The following TM6SF2 variants were observed in gnomAD, a reference collection of about 807,000 sequenced individuals.
The protein encoded by TM6SF2 is transmembrane 6 superfamily member 2.
TM6SF2 carries 29 observed loss-of-function variants against 41.0 expected under a neutral mutation model. The observed-to-expected ratio is 0.71, with a 90% CI of 0.53 to 0.96. The LOEUF (loss-of-function observed/expected upper bound fraction) is 0.96, where lower values mean the gene tolerates loss of function less well. TM6SF2 is among the 50% of genes least tolerant of loss of function. The pLI, the probability that TM6SF2 is intolerant of heterozygous loss-of-function variation, is 0.00. For missense variants in TM6SF2, 475 were observed against 499.0 expected, an observed-to-expected ratio of 0.95 and a Z score of 0.46; for synonymous variants, 200 against 209.1, an observed-to-expected ratio of 0.96 and a Z score of 0.37.
At chr19:19,268,575 C>T in intron 6 of TM6SF2, 55 bp downstream of exon 6, 3 of 1,512,960 alleles carry the variant, frequency 2.0e-6, no homozygotes, top group South Asian at 1.3e-5. Context: ...AAGCAACTGA[C>T]ACGGGGAAAG....
At chr19:19,265,360 TTCTA>T (rs548804768) in intron 9 of TM6SF2, among the ~76,000 whole-genome samples, 8,264 of 140,400 alleles carry the variant, frequency 0.059, 265 homozygotes, top group Non-Finnish European at 0.067. Context: ...TTTTTAAAAT[TTCTA>T]TCTATCTATC....
At chr19:19,265,271 C>T (rs1011602870) in intron 9 of TM6SF2, among the ~76,000 whole-genome samples, 2 of 152,032 alleles carry the variant, frequency 1.3e-5, no homozygotes, top group African/African-American at 4.8e-5. Context: ...TGGTCTCGAA[C>T]TCCTGAGGTC....
chr19:19,269,982 G>A (rs1424643590), intron 4 of TM6SF2, 191 bp downstream of exon 4: 1 of 1,482,242 alleles, frequency 6.7e-7, no homozygotes, highest in Non-Finnish European at 9.0e-7. Flanking sequence ...GTGGATGTAA[G>A]CAATGCTAGG....
Position 19,264,845 on chromosome 19 carries a change from A to G in TM6SF2, c.953T>C (p.Met318Thr), listed in dbSNP as rs748280759. Residue 318 changes from methionine (M) to threonine (T), a missense_variant, in exon 10 of 10, where the codon ATG becomes ACG. Met to Thr is a moderately conservative substitution (Grantham distance 81). Around this residue, in one of 3 missense-constraint regions of TM6SF2, gnomAD observed 190 missense variants for 190.2 expected, o/e 1.00. Coordinates refer to ENST00000389363, the MANE Select transcript of TM6SF2 (RefSeq NM_001001524.3). ...GTAGGTGAAGGGTGTGCGCAGGTGCATGGAAGCCCCCATGTGCGAGAACTG... is the reference window on the plus strand; with the variant it reads ...GTAGGTGAAGGGTGTGCGCAGGTGCGTGGAAGCCCCCATGTGCGAGAACTG... ...QAQFSHMGAS[M>T]HLRTPFTYRV... is the part of the protein sequence containing the mutation. 1.6e-5 allele frequency: 26 copies of G among 1,586,594 alleles called. No individual in the cohort carries two copies. Among genetic ancestry groups the G allele is most frequent in the East Asian group, 9.5e-5 (4 of 42,168 alleles).
At chr19:19,270,576 C>T in intron 2 of TM6SF2, 134 bp from the exon 3 acceptor site, 1 of 1,076,708 alleles carries the variant, frequency 9.3e-7, no homozygotes, top group Non-Finnish European at 1.3e-6. Flanking sequence ...GGCCCAGTCC[C>T]TGCCCCAACC....
At position 19,266,479 on chromosome 19, in the gene TM6SF2, C is replaced by G; in HGVS notation, c.924+11G>C. ...CCACATGCCTGCTCACCCACCCATCCGCCACCTCACCTGGCCGATGCCTCC... is the reference window on the plus strand; with the variant it reads ...CCACATGCCTGCTCACCCACCCATCGGCCACCTCACCTGGCCGATGCCTCC... On this transcript the variant is annotated intron_variant, in intron 9 of 9. Coordinates refer to ENST00000389363, the MANE Select transcript of TM6SF2 (RefSeq NM_001001524.3). 6.2e-7 allele frequency: 1 copy of G among 1,613,198 alleles called. No individual in the cohort carries two copies. Among genetic ancestry groups the G allele is most frequent in the Non-Finnish European group, 8.5e-7 (1 of 1,179,504 alleles).
In TM6SF2 at chr19:19,267,728, CA is replaced by C. The variant is rs754540761; in HGVS notation, c.712-16del. 1.2e-5 allele frequency: 20 copies of C among 1,611,608 alleles called. No individual in the cohort carries two copies. Among genetic ancestry groups the C allele is most frequent in the Admixed American group, 1.7e-5 (1 of 59,816 alleles). On this transcript the variant is annotated splice_polypyrimidine_tract_variant and intron_variant, in intron 7 of 9. Transcript: ENST00000389363. ...TCAAGCACCACCTGGAGCAGACAGA[CA>C]TACCAAGAACCCTCAGACATACCTC...
intron 1 of TM6SF2, 63 bp downstream of exon 1, chr19:19,273,058 T>TCCAAGCCCCCCCCCCCCCC: frequency 2.1e-6 from 1 of 470,242 alleles, no homozygotes; most frequent in Non-Finnish European, 3.8e-6. Context: ...CCACCTCCAG[T>TCCAAGCCCCCCCCCCCCCC]CCTCCCCGCC....
Position 19,269,787 on chromosome 19 carries a change from G to T in TM6SF2, c.402-18C>A, listed in dbSNP as rs72999063. On this transcript the variant is annotated intron_variant, in intron 4 of 9. Transcript: ENST00000389363. The stretch of plus-strand genomic sequence containing the variant: ...ATCTCTTCCTGAGCAGGGGATGGAG[G>T]GGTGACCAGCAGGTAGTCACTCCGT... The T allele has an allele frequency of 0.16, 258,575 of 1,613,634 alleles. 22,255 individuals are homozygous for T. The highest frequency in any genetic ancestry group is 0.29 in the African/African-American group (21,359 of 74,940).
At chr19:19,267,232 G>C (rs1038942252) in intron 8 of TM6SF2, among the ~76,000 whole-genome samples, 2 of 152,008 alleles carry the variant, frequency 1.3e-5, no homozygotes, top group African/African-American at 4.8e-5. Context: ...GCTGAGTATG[G>C]TGGCTCACGC....
At chr19:19,266,332 T>C (rs1197867913) in intron 9 of TM6SF2, among the ~76,000 whole-genome samples, 158 bp downstream of exon 9, 1 of 152,108 alleles carries the variant, frequency 6.6e-6, no homozygotes, top group African/African-American at 2.4e-5. Context: ...TATCTGGCTT[T>C]GTCTCCCCTA....
chr19:19,271,052 C>T lies in TM6SF2; in HGVS notation c.169G>A (p.Gly57Ser). Residue 57 changes from glycine (G) to serine (S), a missense_variant, in exon 2 of 10, where the codon GGC becomes AGC. Physicochemically the swap from Gly to Ser is moderately conservative, Grantham distance 56. Transcript: ENST00000389363. ...LFVAVYSLSH[G>S]EVSYDPLYAV... Reference sequence around the variant, plus strand: ...TAGAGTGGGTCATAGGAGACCTCGCCATGGGACAAGCTGTAGACCGCCACG... The same window carrying T: ...TAGAGTGGGTCATAGGAGACCTCGCTATGGGACAAGCTGTAGACCGCCACG... 6.2e-7 allele frequency: 1 copy of T among 1,614,178 alleles called. No homozygotes were observed. The highest frequency in any genetic ancestry group is 8.5e-7 in the Non-Finnish European group (1 of 1,180,016).
At position 19,268,655 on chromosome 19, in the gene TM6SF2, G is replaced by A. The variant is rs370811816; in HGVS notation, c.584C>T (p.Ala195Val). 25 of 1,589,302 alleles carry A rather than the reference G, an allele frequency of 1.6e-5. No individual in the cohort carries two copies. Among genetic ancestry groups the A allele is most frequent in the Admixed American group, 1.1e-4 (6 of 52,586 alleles). Reference protein sequence around the residue: ...AGMKVFSQPRALTRCTANMVQ... With the variant: ...AGMKVFSQPRVLTRCTANMVQ... ...CATGTTGGCGGTGCAGCGGGTTAGC[G>A]CCCGGGGCTGGCTGAAGACCTTCAT... is the stretch of plus-strand genomic sequence containing the variant. The change falls in exon 6 of 10, where the codon GCG becomes GTG. Residue 195 changes from alanine to valine, a missense_variant. Transcript: ENST00000389363.
Position 19,264,663 on chromosome 19 carries a change from C to T in TM6SF2, c.*1G>A. The T allele has an allele frequency of 6.7e-7, 1 of 1,500,746 alleles. No homozygotes were observed. Among genetic ancestry groups the T allele is most frequent in the East Asian group, 2.5e-5 (1 of 39,504 alleles). 93.0% of individuals were successfully genotyped at this position (1,500,746 alleles called of 1,614,324 possible). A position where few individuals can be genotyped will look rare whatever the true frequency, so the allele number is the denominator to read the frequency against. On this transcript the variant is annotated 3_prime_UTR_variant, in exon 10 of 10. Transcript: ENST00000389363. ...TCCTGGGTCCTGAGTCCACAGCTCT[C>T]TCAATGCTGCTTCTTGTGGAGGGCT...
chr19:19,265,393 T>TCTAG (rs1280830218), intron 9 of TM6SF2, among the ~76,000 whole-genome samples: 23 of 132,900 alleles, frequency 1.7e-4, no homozygotes, highest in East Asian at 2.3e-4. Context: ...TATCTATCTA[T>TCTAG]CTATCTATCT....
chr19:19,273,148 G>C lies in TM6SF2; in HGVS notation c.68C>G (p.Ala23Gly). 1 of 1,492,746 alleles carries C rather than the reference G, an allele frequency of 6.7e-7. No homozygotes were observed. The highest frequency in any genetic ancestry group is 8.9e-7 in the Non-Finnish European group (1 of 1,127,670). 92.5% of individuals were successfully genotyped at this position (1,492,746 alleles called of 1,614,324 possible). The change falls in exon 1 of 10, where the codon GCG becomes GGG. Residue 23 changes from alanine (A) to glycine (G), a missense_variant. Ala to Gly is a moderately conservative substitution (Grantham distance 60, BLOSUM62 0). Coordinates refer to ENST00000389363, the MANE Select transcript of TM6SF2 (RefSeq NM_001001524.3). ...LSLSALPVSYALNHVSALSHP... is the reference protein window; with the variant it reads ...LSLSALPVSYGLNHVSALSHP... ...CGAGAGCGCCGAGACGTGGTTGAGC[G>C]CGTAGGACACCGGGAGGGCGCTCAG...
intron 5 of TM6SF2, 109 bp downstream of exon 5, chr19:19,269,578 G>T: frequency 2.3e-6 from 3 of 1,302,716 alleles, no homozygotes; most frequent in Middle Eastern, 2.1e-4. Context: ...GGGAGGTGGG[G>T]CCTCTGCAGA....
chr19:19,273,124 G>A lies in TM6SF2; in HGVS notation c.92C>T (p.Ser31Leu), dbSNP rs1188461427. The change falls in exon 1 of 10, where the codon TCG becomes TTG. Residue 31 changes from serine (S) to leucine (L), a missense_variant. Coordinates refer to ENST00000389363, the MANE Select transcript of TM6SF2 (RefSeq NM_001001524.3). ...SYALNHVSAL[S>L]HPLWVALMSA... ...CCTGGCCCCTCTCCGCACGCACTGC[G>A]AGAGCGCCGAGACGTGGTTGAGCGC... 3.7e-6 allele frequency: 5 copies of A among 1,344,762 alleles called. No individual in the cohort carries two copies. The highest frequency in any genetic ancestry group is 4.8e-6 in the Non-Finnish European group (5 of 1,036,856). 83.3% of individuals were successfully genotyped at this position (1,344,762 alleles called of 1,614,324 possible). A position where few individuals can be genotyped will look rare whatever the true frequency, so the allele number is the denominator to read the frequency against.
Position 19,267,967 on chromosome 19 carries a change from C to T in TM6SF2, c.711+19G>A, listed in dbSNP as rs762223286. 1.2e-6 allele frequency: 2 copies of T among 1,601,188 alleles called. No individual in the cohort carries two copies. The highest frequency in any genetic ancestry group is 8.5e-7 in the Non-Finnish European group (1 of 1,169,796). ...AGACTGGTGGCAGGGGAGGGGGAGACCAACCAGCGCAGACTCACCAGGCCC... is the reference window on the plus strand; with the variant it reads ...AGACTGGTGGCAGGGGAGGGGGAGATCAACCAGCGCAGACTCACCAGGCCC... On this transcript the variant is annotated intron_variant, in intron 7 of 9. Transcript: ENST00000389363.
Sources: gnomAD v4.1 joint callset for allele counts (sites outside exome capture counted in the v4.1 genomes callset) on GRCh38, gnomAD v4.1.1 for gene constraint, gnomAD v4.1.1 regional missense constraint, MANE v1.5 for transcripts, NCBI Gene and HGNC (gene_info 2026-07-23, HGNC 2026-07-21) for gene names.